The following CPD variants were observed in gnomAD, a reference collection of about 807,000 sequenced individuals.
CPD encodes the protein metallocarboxypeptidase D.
In CPD, 69 loss-of-function variants were observed where a neutral mutation model predicts 138.3. The ratio of observed to expected loss-of-function variants is 0.50; its 90% CI spans 0.41 to 0.61. The LOEUF is 0.61. Among genes scored for constraint, CPD ranks in the 20% least tolerant of loss-of-function variants. The pLI is 0.00. For missense variants in CPD, 1,432 were observed against 1,733.3 expected (o/e 0.83, Z 3.09); for synonymous variants, 651 against 642.1 (o/e 1.01, Z -0.21).
rs1365497746 is a variant in CPD, at chr17:30,469,537, T to C, written c.*4723T>C. ...ACCAGCATCATTTTCCTTCATGTGA[T>C]GTCTTCTTATGCCTTTGAAAGAAAG... On this transcript the variant is annotated 3_prime_UTR_variant, in exon 21 of 21. Transcript: ENST00000225719. The C allele has an allele frequency of 6.6e-6, 1 of 152,236 alleles. No individual in the cohort carries two copies. The highest frequency in any genetic ancestry group is 1.5e-5 in the Non-Finnish European group (1 of 68,026). The allele number at this position is 152,236 out of a possible 1,614,324, so 9.4% of individuals were successfully genotyped here.
chr17:30,428,917 G>T (rs536693387), intron 7 of CPD, among the ~76,000 whole-genome samples: 1 of 152,120 alleles, frequency 6.6e-6, no homozygotes, highest in East Asian at 1.9e-4. Flanking sequence ...AGCACCAGGG[G>T]CAATGGGGAA....
At chr17:30,454,995 G>A (rs1913255922) in intron 14 of CPD, 1 of 163,584 alleles carries the variant, frequency 6.1e-6, no homozygotes, top group Admixed American at 6.2e-5. Flanking sequence ...AGATTTGGGT[G>A]GGGGTACAGC....
At chr17:30,429,304 GA>G (rs1243869084) in intron 7 of CPD, among the ~76,000 whole-genome samples, 2 of 152,120 alleles carry the variant, frequency 1.3e-5, no homozygotes, top group African/African-American at 4.8e-5. Context: ...GCTAAATCTG[GA>G]AAGTTAATAA....
chr17:30,380,080 C>T (rs1216213935), intron 1 of CPD, among the ~76,000 whole-genome samples: 2 of 152,188 alleles, frequency 1.3e-5, no homozygotes, highest in Non-Finnish European at 2.9e-5. Context: ...ATGTTGTTAT[C>T]TTATATCAAA....
At chr17:30,409,779 A>G (rs1253973416) in intron 2 of CPD, among the ~76,000 whole-genome samples, 1 of 151,858 alleles carries the variant, frequency 6.6e-6, no homozygotes, top group African/African-American at 2.4e-5. Flanking sequence ...CAGTCTATCA[A>G]TTCTGTTGAT....
At chr17:30,432,271 A>G (rs1205912370) in intron 8 of CPD, among the ~76,000 whole-genome samples, 1 of 152,174 alleles carries the variant, frequency 6.6e-6, no homozygotes, top group Non-Finnish European at 1.5e-5. Flanking sequence ...CTATATTTTT[A>G]TATATTGTGT....
At chr17:30,429,008 T>G (rs1246265961) in intron 7 of CPD, among the ~76,000 whole-genome samples, 1 of 152,190 alleles carries the variant, frequency 6.6e-6, no homozygotes. Flanking sequence ...GCCTGCCATT[T>G]TAGAATGACA....
chr17:30,438,739 G>A lies in CPD; in HGVS notation c.2128-236G>A, dbSNP rs112891975. On this transcript the variant is annotated intron_variant, in intron 8 of 20. Coordinates refer to ENST00000225719, the MANE Select transcript of CPD (RefSeq NM_001304.5). ...ATAAATGAAGTCAATATTTTCTTAC[G>A]GAGCACATTGTATTTTGATTTTTAA... Among the ~76,000 whole-genome samples the A allele has an allele frequency of 3.8e-4, 58 of 151,980 alleles. 1 individual carries two copies. The highest frequency in any genetic ancestry group is 1.4e-3 in the East Asian group (7 of 5,180).
chr17:30,403,829 G>T (rs1333950022), intron 2 of CPD, among the ~76,000 whole-genome samples: 1 of 152,058 alleles, frequency 6.6e-6, no homozygotes, highest in Non-Finnish European at 1.5e-5. Flanking sequence ...TAAGATCTAT[G>T]CACAGCTTTA....
intron 2 of CPD, among the ~76,000 whole-genome samples, chr17:30,416,107 C>T (rs956473958): frequency 2.6e-5 from 4 of 151,942 alleles, no homozygotes; most frequent in African/African-American, 4.8e-5. Context: ...CCAAGGCGGG[C>T]GGATCACCTG....
chr17:30,461,394 A>G (rs1213450863), intron 18 of CPD, 83 bp downstream of exon 18: 3 of 1,059,426 alleles, frequency 2.8e-6, no homozygotes, highest in East Asian at 3.1e-5. Flanking sequence ...TCTTTTACCA[A>G]AAATGTATAT....
chr17:30,449,763 G>T lies in CPD; in HGVS notation c.3069+15G>T. ...CTGTTACCCAAGTAAGAGAATAGCC[G>T]AGGTTGACATGCTTTAAAAGGAAAA... On this transcript the variant is annotated intron_variant, in intron 13 of 20. Coordinates refer to ENST00000225719, the MANE Select transcript of CPD (RefSeq NM_001304.5). 3.3e-6 allele frequency: 5 copies of T among 1,535,222 alleles called. No homozygotes were observed. Among genetic ancestry groups the T allele is most frequent in the Non-Finnish European group, 4.3e-6 (5 of 1,149,970 alleles).
chr17:30,452,848 A>G (rs1414703149), intron 14 of CPD, among the ~76,000 whole-genome samples: 14 of 151,938 alleles, frequency 9.2e-5, no homozygotes, highest in Admixed American at 8.5e-4. Flanking sequence ...AGGTTTCACA[A>G]TCATGCTGCA....
Position 30,379,000 on chromosome 17 carries a change from A to G in CPD, c.20A>G (p.Glu7Gly). 1 of 1,545,278 alleles carries G rather than the reference A, an allele frequency of 6.5e-7. No homozygotes were observed. MASGRD[E>G]RPPWRLGRLL... ...TGGAAGATGGCGAGCGGCCGGGACG[A>G]GCGGCCGCCTTGGCGGCTAGGGCGG... is the stretch of plus-strand genomic sequence containing the variant. The change falls in exon 1 of 21, where the codon GAG becomes GGG. Residue 7 changes from glutamate to glycine, a missense_variant. This residue lies in a region of CPD where 484 missense variants were observed against 477.2 expected (regional missense o/e 1.01). Coordinates refer to ENST00000225719, the MANE Select transcript of CPD (RefSeq NM_001304.5).
At position 30,415,959 on chromosome 17, in the gene CPD, A is replaced by T. The variant is rs139212037; in HGVS notation, c.995-4882A>T. 1.1e-4 allele frequency among the ~76,000 whole-genome samples: 17 copies of T among 152,346 alleles called. No homozygotes were observed. In the East Asian group the frequency reaches 2.5e-3, roughly 22 times the overall value. The stretch of plus-strand genomic sequence containing the variant: ...AAACTCTTAGAAACAGAAAGTAGAA[A>T]GGTGGTTGCCAAGAGCCGGGGAGAG... On this transcript the variant is annotated intron_variant, in intron 2 of 20. Transcript: ENST00000225719.
intron 2 of CPD, among the ~76,000 whole-genome samples, chr17:30,419,265 C>T (rs914334221): frequency 6.6e-6 from 1 of 152,206 alleles, no homozygotes; most frequent in Non-Finnish European, 1.5e-5. Context: ...ATTGACCTTT[C>T]TCCAGAAACA....
At chr17:30,463,328 T>C (rs981651944) in intron 20 of CPD, among the ~76,000 whole-genome samples, 8 of 152,202 alleles carry the variant, frequency 5.3e-5, no homozygotes, top group African/African-American at 1.9e-4. Flanking sequence ...TCTCTCCCAC[T>C]AAAACATAAG....
chr17:30,413,953 C>G (rs1289133132), intron 2 of CPD, among the ~76,000 whole-genome samples: 3 of 152,056 alleles, frequency 2.0e-5, no homozygotes, highest in African/African-American at 4.8e-5. Context: ...GAAGAGCATT[C>G]CAGCAAAGGG....
At chr17:30,461,117 A>G in intron 17 of CPD, 63 bp from the exon 18 acceptor site, 1 of 1,327,630 alleles carries the variant, frequency 7.5e-7, no homozygotes, top group Non-Finnish European at 1.0e-6. Flanking sequence ...TTGTATTACA[A>G]AGCCTTATTC....
Sources: allele counts gnomAD v4.1 joint callset (sites outside exome capture counted in the v4.1 genomes callset), GRCh38; gene constraint gnomAD v4.1.1; regional missense constraint gnomAD v4.1.1; transcripts MANE v1.5; gene names NCBI Gene and HGNC (gene_info 2026-07-23, HGNC 2026-07-21).